Variants in MYO6 observed in about 807,000 individuals in gnomAD.
MYO6 encodes myosin VI, also known as unconventional myosin-VI.
MYO6 carries 74 observed loss-of-function variants against 178.7 expected under a neutral mutation model. The ratio of observed to expected loss-of-function variants is 0.41; its 90% CI spans 0.34 to 0.50. The LOEUF (loss-of-function observed/expected upper bound fraction) is 0.50. Among genes scored for constraint, MYO6 ranks in the 20% least tolerant of loss-of-function variants. The pLI is 0.09. For synonymous variants in MYO6, 477 were observed against 504.6 expected (o/e 0.95, Z 0.73); for missense variants, 1,330 against 1,547.4 (o/e 0.86, Z 2.36).
chr6:75,908,522 G>A lies in MYO6; in HGVS notation c.3307G>A (p.Glu1103Lys). Residue 1103 changes from glutamate to lysine, a missense_variant, in exon 32 of 35, where the codon GAA (glutamate) becomes AAA (lysine). By Grantham distance (56) the Glu-to-Lys change is moderately conservative (BLOSUM62 1). Transcript: ENST00000369977. ...CDIELLAACR[E>K]EFHRRLKVYH... The stretch of plus-strand genomic sequence containing the variant: ...TATTGAGCTCCTGGCAGCTTGCAGA[G>A]AAGAATTTCATAGGAGACTAAAAGT... 1 of 1,613,294 alleles carries A rather than the reference G, an allele frequency of 6.2e-7. No individual in the cohort carries two copies. The highest frequency in any genetic ancestry group is 2.2e-5 in the East Asian group (1 of 44,780).
intron 23 of MYO6, 146 bp from the exon 24 acceptor site, chr6:75,885,858 C>CCTTTTTTGTTTGTT: frequency 1.6e-6 from 1 of 612,474 alleles, no homozygotes; most frequent in Non-Finnish European, 2.9e-6. Flanking sequence ...GGTGTTAAAA[C>CCTTTTTTGTTTGTT]TTTGTTTTTG....
chr6:75,823,009 C>T (rs879168284), intron 3 of MYO6, among the ~76,000 whole-genome samples, 158 bp downstream of exon 3: 1 of 152,150 alleles, frequency 6.6e-6, no homozygotes, highest in South Asian at 2.1e-4. Flanking sequence ...CTCGAGTCCT[C>T]CATGTTGTCT....
intron 14 of MYO6, 151 bp downstream of exon 14, chr6:75,859,144 G>A (rs929433207): frequency 4.8e-6 from 3 of 622,884 alleles, no homozygotes; most frequent in South Asian, 3.8e-5. Context: ...CAGAGGCCCC[G>A]GGGCTCAGGC....
chr6:75,908,595 A>G lies in MYO6; in HGVS notation c.3380A>G (p.Glu1127Gly). ...AACAAGAAGAGAAATACTGAAACAG[A>G]GCAACGTGCTCCAAAGTCTGTTACT... The part of the protein sequence containing the change: ...SKNKKRNTET[E>G]QRAPKSVTDY... Residue 1127 changes from glutamate to glycine, a missense_variant, in exon 32 of 35, where the codon GAG (glutamate) becomes GGG (glycine). Coordinates refer to ENST00000369977, the MANE Select transcript of MYO6 (RefSeq NM_004999.4). The G allele has an allele frequency of 1.9e-6, 3 of 1,613,686 alleles. No homozygotes were observed. The highest frequency in any genetic ancestry group is 1.7e-4 in the Middle Eastern group (1 of 6,056).
chr6:75,885,849 G>A (rs982069827), intron 23 of MYO6, among the ~76,000 whole-genome samples, 155 bp from the exon 24 acceptor site: 5 of 152,156 alleles, frequency 3.3e-5, no homozygotes, highest in African/African-American at 9.7e-5. Flanking sequence ...AACAAAAAAG[G>A]TGTTAAAACT....
chr6:75,752,280 T>A (rs1034294047), intron 1 of MYO6, among the ~76,000 whole-genome samples: 3 of 152,166 alleles, frequency 2.0e-5, no homozygotes, highest in Admixed American at 6.5e-5. Flanking sequence ...TTTCATAGAG[T>A]TTAATTATGA....
At position 75,830,501 on chromosome 6, in the gene MYO6, A is replaced by T; in HGVS notation, c.347A>T (p.Gln116Leu). 1.9e-6 allele frequency: 3 copies of T among 1,612,656 alleles called. No individual in the cohort carries two copies. The highest frequency in any genetic ancestry group is 2.5e-6 in the Non-Finnish European group (3 of 1,178,848). The change falls in exon 5 of 35, where the codon CAA (glutamine) becomes CTA (leucine). Residue 116 changes from glutamine to leucine, a missense_variant. Gln to Leu is a moderately radical substitution (Grantham distance 113). Coordinates refer to ENST00000369977, the MANE Select transcript of MYO6 (RefSeq NM_004999.4). ...TCTTCAGAAGCAATAAAGTCATATC[A>T]AGGAAAATCTCTTGGGACAAGACCA... ...IYSSEAIKSY[Q>L]GKSLGTRPPH...
intron 1 of MYO6, among the ~76,000 whole-genome samples, chr6:75,814,507 C>A (rs879769317): frequency 6.6e-6 from 1 of 152,104 alleles, no homozygotes; most frequent in Admixed American, 6.6e-5. Flanking sequence ...GCTCTGTCTC[C>A]TTACCCTAAA....
intron 1 of MYO6, among the ~76,000 whole-genome samples, chr6:75,756,020 G>A (rs77394367): frequency 0.019 from 2,894 of 152,272 alleles, 83 homozygotes; most frequent in African/African-American, 0.066. Context: ...GGGTTATGGC[G>A]CTGTTACCAA....
At chr6:75,902,561 C>T (rs574307102) in intron 30 of MYO6, among the ~76,000 whole-genome samples, 39 of 152,078 alleles carry the variant, frequency 2.6e-4, no homozygotes, top group Admixed American at 4.6e-4. Context: ...TCTGTGGGAT[C>T]GGTGGTGACA....
At chr6:75,906,514 A>G (rs972407434) in intron 30 of MYO6, among the ~76,000 whole-genome samples, 6 of 151,942 alleles carry the variant, frequency 3.9e-5, no homozygotes, top group Non-Finnish European at 8.8e-5. Context: ...CATCTCTACA[A>G]AAATTATAAA....
In MYO6 at chr6:75,862,733, G is replaced by A. The variant is rs1776307555; in HGVS notation, c.1674+10G>A. 1 of 1,613,772 alleles carries A rather than the reference G, an allele frequency of 6.2e-7. No homozygotes were observed. The highest frequency in any genetic ancestry group is 2.2e-5 in the East Asian group (1 of 44,852). Reference sequence around the variant, plus strand: ...TCATTTTCGACTCACTGTGAGTTTTGCCATTCTGAAATTGAGACTATGGTG... The same window carrying A: ...TCATTTTCGACTCACTGTGAGTTTTACCATTCTGAAATTGAGACTATGGTG... On this transcript the variant is annotated intron_variant, in intron 16 of 34. Transcript: ENST00000369977.
intron 1 of MYO6, among the ~76,000 whole-genome samples, chr6:75,754,246 C>T (rs1047650973): frequency 3.9e-5 from 6 of 152,030 alleles, no homozygotes; most frequent in Admixed American, 1.3e-4. Flanking sequence ...CTGGCTGGGG[C>T]GTGGTGGCTC....
chr6:75,903,906 C>A (rs1004035401), intron 30 of MYO6, among the ~76,000 whole-genome samples: 1 of 150,962 alleles, frequency 6.6e-6, no homozygotes, highest in African/African-American at 2.4e-5. Flanking sequence ...TTCAGGAGCT[C>A]TTTTAGGGCA....
chr6:75,905,037 T>TAGGGGTC (rs1205706060), intron 30 of MYO6, among the ~76,000 whole-genome samples: 1 of 152,144 alleles, frequency 6.6e-6, no homozygotes, highest in Non-Finnish European at 1.5e-5. Context: ...TTAGGCTGCT[T>TAGGGGTC]AGGGGTCAGG....
intron 1 of MYO6, among the ~76,000 whole-genome samples, chr6:75,810,083 CAA>C (rs60265510): frequency 3.4e-4 from 26 of 76,986 alleles, no homozygotes; most frequent in Admixed American, 3.1e-4. Context: ...GACTCTGTCT[CAA>C]AAAAAAAAAA....
intron 9 of MYO6, among the ~76,000 whole-genome samples, chr6:75,841,675 CAG>C (rs1458353626): frequency 6.6e-6 from 1 of 152,014 alleles, no homozygotes; most frequent in Non-Finnish European, 1.5e-5. Flanking sequence ...GCCTGGGTAA[CAG>C]AGCGAGACCC....
chr6:75,781,883 A>T lies in MYO6; in HGVS notation c.-48+32460A>T, dbSNP rs564206526. Among the ~76,000 whole-genome samples the T allele has an allele frequency of 4.4e-5, 6 of 134,988 alleles. No homozygotes were observed. The East Asian group carries it at 1.3e-3, about 30-fold the overall frequency. 88.6% of individuals were successfully genotyped at this position (134,988 alleles called of 152,430 possible). A position where few individuals can be genotyped will look rare whatever the true frequency, so the allele number is the denominator to read the frequency against. On this transcript the variant is annotated intron_variant, in intron 1 of 34. Transcript: ENST00000369977. ...CAGTGAGCCGAGATCGCGCCACTGT[A>T]CTCCAGCCTGAGCGACTGAGCAAGA...
intron 7 of MYO6, among the ~76,000 whole-genome samples, chr6:75,839,910 T>A (rs957853059): frequency 6.6e-6 from 1 of 151,968 alleles, no homozygotes; most frequent in Admixed American, 6.6e-5. Context: ...TGCTGTTTTA[T>A]CTAAGTACTG....
Sources: allele counts gnomAD v4.1 joint callset (sites outside exome capture counted in the v4.1 genomes callset), GRCh38; gene constraint gnomAD v4.1.1; transcripts MANE v1.5; gene names NCBI Gene and HGNC (gene_info 2026-07-23, HGNC 2026-07-21).